Variants in GNAT3 observed in about 807,000 individuals in gnomAD.
GNAT3 encodes G protein subunit alpha transducin 3.
In GNAT3, 31 loss-of-function variants were observed where a neutral mutation model predicts 37.7. The observed-to-expected ratio is 0.82, with a 90% CI of 0.62 to 1.11. The LOEUF (loss-of-function observed/expected upper bound fraction) is 1.11, where lower values mean the gene tolerates loss of function less well. Among genes scored for constraint, GNAT3 ranks in the 50% most tolerant of loss-of-function variants. The probability of loss-of-function intolerance (pLI) is 0.00; values close to 1 mark genes in which losing one functional copy is unlikely to be tolerated. For synonymous variants in GNAT3, 138 were observed against 139.8 expected, an observed-to-expected ratio of 0.99 and a Z score of 0.09; for missense variants, 437 against 412.5, an observed-to-expected ratio of 1.06 and a Z score of -0.51.
chr7:80,499,426 C>T (rs909199243), intron 1 of GNAT3, among the ~76,000 whole-genome samples: 3 of 152,086 alleles, frequency 2.0e-5, no homozygotes, highest in African/African-American at 7.2e-5. Context: ...AGCTCTGTTG[C>T]CAGGCTTGAG....
chr7:80,485,649 C>A (rs1163650895), intron 3 of GNAT3, among the ~76,000 whole-genome samples: 12 of 151,998 alleles, frequency 7.9e-5, no homozygotes. Flanking sequence ...TAAATGTCTA[C>A]CACATAAATA....
Position 80,504,382 on chromosome 7 carries a change from G to C in GNAT3, c.118+7427C>G, listed in dbSNP as rs1467005589. Among the ~76,000 whole-genome samples the C allele has an allele frequency of 1.4e-4, 21 of 152,206 alleles. No individual in the cohort carries two copies. In the South Asian group the frequency reaches 4.4e-3, roughly 32 times the overall value. ...TGGCCATTATCTGCACTCTGTGAGG[G>C]ATAACTTTTTACTAGAGAAGAGCAT... On this transcript the variant is annotated intron_variant, in intron 1 of 7. Transcript: ENST00000398291.
chr7:80,468,146 C>A (rs1004795916), intron 5 of GNAT3, among the ~76,000 whole-genome samples: 10 of 151,928 alleles, frequency 6.6e-5, no homozygotes, highest in African/African-American at 2.4e-4. Context: ...CAGAGTTTTA[C>A]GGCTTTATAT....
chr7:80,497,999 A>C (rs1790766105), intron 1 of GNAT3, among the ~76,000 whole-genome samples: 1 of 152,142 alleles, frequency 6.6e-6, no homozygotes. Flanking sequence ...CATATGTATT[A>C]TAGAGAAATA....
At chr7:80,462,408 T>C (rs1004281471) in intron 6 of GNAT3, 94 bp downstream of exon 6, 24 of 1,556,078 alleles carry the variant, frequency 1.5e-5, no homozygotes, top group Non-Finnish European at 2.1e-5. Flanking sequence ...ACATAAATCT[T>C]TGGCAAACCT....
Position 80,474,391 on chromosome 7 carries a change from A to G in GNAT3, c.462-12T>C. ...AATCATTAAGGTAGCTAATAAAGAC[A>G]AAACAAAATTATATATGTGTATATA... On this transcript the variant is annotated splice_polypyrimidine_tract_variant and intron_variant, in intron 4 of 7. Transcript: ENST00000398291. 1 of 1,420,458 alleles carries G rather than the reference A, an allele frequency of 7.0e-7. No homozygotes were observed. The highest frequency in any genetic ancestry group is 9.7e-7 in the Non-Finnish European group (1 of 1,034,582). The allele number at this position is 1,420,458 out of a possible 1,614,324, so 88.0% of individuals were successfully genotyped here. A position where few individuals can be genotyped will look rare whatever the true frequency, so the allele number is the denominator to read the frequency against.
Position 80,511,944 on chromosome 7 carries a change from T to C in GNAT3, c.-18A>G. On this transcript the variant is annotated 5_prime_UTR_variant, in exon 1 of 8. Transcript: ENST00000398291. ...CTTCCCATCTTGTGGTGGTAGATAC[T>C]TGTCAGTTTATATGTTCAGATTTTT... is the stretch of plus-strand genomic sequence containing the variant. 1 of 1,547,964 alleles carries C rather than the reference T, an allele frequency of 6.5e-7. No individual in the cohort carries two copies. Among genetic ancestry groups the C allele is most frequent in the Non-Finnish European group, 8.9e-7 (1 of 1,123,502 alleles).
In GNAT3 at chr7:80,498,814, G is replaced by A. The variant is rs531727738; in HGVS notation, c.119-4167C>T. 2.0e-5 allele frequency among the ~76,000 whole-genome samples: 3 copies of A among 152,090 alleles called. No homozygotes were observed. The South Asian group carries it at 6.2e-4, about 32-fold the overall frequency. Reference sequence around the variant, plus strand: ...CATCTGTTTCTTTGAAATAGATAATGTTACAAATAATTAAATATTTAAATT... The same window carrying A: ...CATCTGTTTCTTTGAAATAGATAATATTACAAATAATTAAATATTTAAATT... On this transcript the variant is annotated intron_variant, in intron 1 of 7. Coordinates refer to ENST00000398291, the MANE Select transcript of GNAT3 (RefSeq NM_001102386.3).
intron 1 of GNAT3, among the ~76,000 whole-genome samples, chr7:80,508,552 A>G (rs992215633): frequency 3.3e-5 from 5 of 152,050 alleles, no homozygotes; most frequent in African/African-American, 1.2e-4. Flanking sequence ...TTTTTAAAGC[A>G]TGTGGCATTA....
At chr7:80,493,618 T>G (rs985647381) in intron 2 of GNAT3, among the ~76,000 whole-genome samples, 1 of 112,696 alleles carries the variant, frequency 8.9e-6, no homozygotes, top group Non-Finnish European at 1.8e-5. Context: ...CTCCTCCTCT[T>G]TCCTCTTCCT....
intron 3 of GNAT3, chr7:80,486,458 T>G (rs1790482779): frequency 6.6e-6 from 1 of 151,892 alleles, no homozygotes; most frequent in African/African-American, 2.4e-5. Flanking sequence ...CACTTTTTTT[T>G]TTTTCAAGAC....
At chr7:80,480,832 G>A (rs1175414099) in intron 3 of GNAT3, among the ~76,000 whole-genome samples, 2 of 152,030 alleles carry the variant, frequency 1.3e-5, no homozygotes, top group African/African-American at 2.4e-5. Context: ...CAGCAAGGTC[G>A]TTATGACCTG....
intron 2 of GNAT3, among the ~76,000 whole-genome samples, chr7:80,492,765 T>C (rs1562729932): frequency 6.6e-6 from 1 of 151,596 alleles, no homozygotes; most frequent in Admixed American, 6.6e-5. Flanking sequence ...AAATTCTCTG[T>C]AATATATAAT....
intron 7 of GNAT3, among the ~76,000 whole-genome samples, chr7:80,461,526 G>C (rs896186579): frequency 6.6e-6 from 1 of 151,608 alleles, no homozygotes; most frequent in Non-Finnish European, 1.5e-5. Flanking sequence ...TCTCAAAAAA[G>C]AAAAATAAAT....
intron 1 of GNAT3, among the ~76,000 whole-genome samples, chr7:80,505,515 C>G (rs1387974959): frequency 6.6e-6 from 1 of 152,040 alleles, no homozygotes; most frequent in Non-Finnish European, 1.5e-5. Flanking sequence ...TACAGGCGCC[C>G]GCCAACACGC....
In GNAT3 at chr7:80,462,145, G is replaced by GA. The variant is rs571029646; in HGVS notation, c.874+13dup. On this transcript the variant is annotated intron_variant, in intron 7 of 7. Transcript: ENST00000398291. ...AAAATTTATTTCTATGGAACTAAAA[G>GA]AAAAAAATCTTACCAGTGTATTCTG... 3.3e-6 allele frequency: 5 copies of GA among 1,509,606 alleles called. No individual in the cohort carries two copies. Among genetic ancestry groups the GA allele is most frequent in the Admixed American group, 2.3e-5 (1 of 44,344 alleles). The allele number at this position is 1,509,606 out of a possible 1,614,324, so 93.5% of individuals were successfully genotyped here. A position where few individuals can be genotyped will look rare whatever the true frequency, so the allele number is the denominator to read the frequency against.
Position 80,474,247 on chromosome 7 carries a change from A to G in GNAT3, c.590+4T>C. On this transcript the variant is annotated splice_donor_region_variant and intron_variant, in intron 5 of 7. Transcript: ENST00000398291. ...CTACAGTTAGAAAAGATATTTGATC[A>G]TACCTGAAGTGCAAGTCTTTAAAGG... The G allele has an allele frequency of 6.2e-7, 1 of 1,604,104 alleles. No individual in the cohort carries two copies. The highest frequency in any genetic ancestry group is 8.5e-7 in the Non-Finnish European group (1 of 1,174,572).
intron 1 of GNAT3, among the ~76,000 whole-genome samples, chr7:80,504,319 AAGAG>A (rs1233863833): frequency 5.9e-5 from 9 of 152,092 alleles, no homozygotes; most frequent in Non-Finnish European, 1.0e-4. Flanking sequence ...TTTAAAAAAA[AAGAG>A]AGAGAAAATT....
At chr7:80,494,876 C>A (rs1790686492) in intron 1 of GNAT3, among the ~76,000 whole-genome samples, 1 of 152,024 alleles carries the variant, frequency 6.6e-6, no homozygotes, top group South Asian at 2.1e-4. Flanking sequence ...TCATTCCTCA[C>A]CTCCCTCTCA....
Sources: gnomAD v4.1 joint callset for allele counts (sites outside exome capture counted in the v4.1 genomes callset) on GRCh38, gnomAD v4.1.1 for gene constraint, MANE v1.5 for transcripts, NCBI Gene and HGNC (gene_info 2026-07-23, HGNC 2026-07-21) for gene names.